SEPTIN9: variants seen among roughly 807,000 people sequenced by gnomAD.
SEPTIN9 encodes the protein septin 9.
Under a neutral mutation model 56.6 loss-of-function variants are expected in SEPTIN9, and 13 were observed. The observed-to-expected ratio is 0.23, with a 90% CI of 0.15 to 0.37. The LOEUF (loss-of-function observed/expected upper bound fraction) is 0.37, where lower values mean the gene tolerates loss of function less well. SEPTIN9 is among the 10% of genes least tolerant of loss of function. The pLI is 1.00. For synonymous variants in SEPTIN9, 332 were observed against 334.1 expected (o/e 0.99, Z 0.07); for missense variants, 650 against 823.1 (o/e 0.79, Z 2.57).
rs376709742 is a variant in SEPTIN9, at chr17:77,374,656, G to A, written c.77-27403G>A. ...CAAGCTGGGAGGTGACCAGCCTGAG[G>A]TCCTCCCCGCTCCATGGCCAGAACC... On this transcript the variant is annotated intron_variant, in intron 2 of 11. Transcript: ENST00000427177. 9.8e-4 allele frequency: 149 copies of A among 152,520 alleles called. 5 individuals carry two copies. The South Asian group carries it at 0.029, about 30-fold the overall frequency. 9.4% of individuals were successfully genotyped at this position (152,520 alleles called of 1,614,324 possible). A position where few individuals can be genotyped will look rare whatever the true frequency, so the allele number is the denominator to read the frequency against.
At position 77,313,984 on chromosome 17, in the gene SEPTIN9, G is replaced by A. The variant is rs2143626492; in HGVS notation, c.76+6787G>A. Among the ~76,000 whole-genome samples the A allele has an allele frequency of 6.6e-6, 1 of 152,192 alleles. No individual in the cohort carries two copies. The highest frequency in any genetic ancestry group is 2.1e-4 in the South Asian group (1 of 4,824). On this transcript the variant is annotated intron_variant, in intron 2 of 11. Coordinates refer to ENST00000427177, the MANE Select transcript of SEPTIN9 (RefSeq NM_001113491.2). The surrounding 1 kb of genome is among the most constrained non-coding windows in gnomAD (Gnocchi z 4.5). ...TGGAGCCGAGGTGGGAGGATCACTT[G>A]AGCTCAGGTGCTCCAGACCAGCCTG... is the stretch of plus-strand genomic sequence containing the variant.
At chr17:77,287,234 G>A (rs1214831679) in intron 1 of SEPTIN9, among the ~76,000 whole-genome samples, 8 of 152,256 alleles carry the variant, frequency 5.3e-5, no homozygotes, top group South Asian at 2.1e-4. Flanking sequence ...CATGGGGATC[G>A]TGTGTCACCC....
intron 2 of SEPTIN9, chr17:77,320,347 A>G (rs1220095402): frequency 6.2e-7 from 1 of 1,612,666 alleles, no homozygotes; most frequent in East Asian, 2.2e-5. Flanking sequence ...ACCGGATCTC[A>G]GGTACGCAGA....
chr17:77,380,511 A>T (rs2035105184), intron 2 of SEPTIN9, among the ~76,000 whole-genome samples: 1 of 152,024 alleles, frequency 6.6e-6, no homozygotes. Flanking sequence ...CCAGAAAATC[A>T]AGGGGCCTGG....
chr17:77,388,810 CTTTTTTTTTT>C (rs5822196), intron 2 of SEPTIN9, among the ~76,000 whole-genome samples: 10 of 78,050 alleles, frequency 1.3e-4, no homozygotes, highest in African/African-American at 5.4e-4. Flanking sequence ...GTGTTAGGCG[CTTTTTTTTTT>C]TTTTTTTTTT....
At chr17:77,360,157 CAAA>C (rs59677016) in intron 2 of SEPTIN9, among the ~76,000 whole-genome samples, 11 of 120,858 alleles carry the variant, frequency 9.1e-5, no homozygotes, top group Non-Finnish European at 1.0e-4. Context: ...AACTCTGTCT[CAAA>C]AAAAAAAAAA....
At chr17:77,484,466 GTGGTGGTGGTGATGATGGTGGTGA>G in intron 4 of SEPTIN9, among the ~76,000 whole-genome samples, 1 of 145,988 alleles carries the variant, frequency 6.8e-6, no homozygotes, top group Non-Finnish European at 1.5e-5. Flanking sequence ...GGTGATTGTG[GTGGTGGTGGTGATGATGGTGGTGA>G]TGATGGTGAT....
chr17:77,355,395 T>C lies in SEPTIN9; in HGVS notation c.77-46664T>C, dbSNP rs372910855. On this transcript the variant is annotated intron_variant, in intron 2 of 11. Transcript: ENST00000427177. Reference sequence around the variant, plus strand: ...ACATGTGTGTGAAGGGCTGTGCGTGTAGGATTTGTGCAAATGTGCCCCTCC... The same window carrying C: ...ACATGTGTGTGAAGGGCTGTGCGTGCAGGATTTGTGCAAATGTGCCCCTCC... 3.3e-3 allele frequency among the ~76,000 whole-genome samples: 500 copies of C among 152,316 alleles called. 1 individual carries two copies. The highest frequency in any genetic ancestry group is 4.0e-3 in the Non-Finnish European group (273 of 68,028).
rs377879 is a variant in SEPTIN9, at chr17:77,382,756, G to A, written c.77-19303G>A. 1.7e-3 allele frequency among the ~76,000 whole-genome samples: 252 copies of A among 152,280 alleles called. 1 individual carries two copies. Among genetic ancestry groups the A allele is most frequent in the African/African-American group, 5.7e-3 (237 of 41,552 alleles). ...TTGGCCGCCTGGGCCCCTTGGGGTC[G>A]GGTGGGGGAGGAGATCCTTCATTCG... On this transcript the variant is annotated intron_variant, in intron 2 of 11. Coordinates refer to ENST00000427177, the MANE Select transcript of SEPTIN9 (RefSeq NM_001113491.2).
intron 2 of SEPTIN9, among the ~76,000 whole-genome samples, chr17:77,355,912 G>A (rs2034218481): frequency 1.4e-5 from 2 of 147,690 alleles, no homozygotes. Context: ...AACCCAGGAG[G>A]CGGAGCTTGC....
intron 2 of SEPTIN9, chr17:77,320,069 C>A: frequency 7.0e-7 from 1 of 1,418,958 alleles, no homozygotes. Context: ...CCTTTGCTCC[C>A]TTTTTCCTCC....
chr17:77,495,066 T>C (rs1352848140), intron 10 of SEPTIN9, among the ~76,000 whole-genome samples: 2 of 152,110 alleles, frequency 1.3e-5, no homozygotes, highest in Admixed American at 6.5e-5. Context: ...GAGTTAGGGA[T>C]GGATGGGCCT....
chr17:77,460,362 C>T (rs312841), intron 3 of SEPTIN9, among the ~76,000 whole-genome samples: 11,920 of 152,128 alleles, frequency 0.078, 1,411 homozygotes, highest in African/African-American at 0.25. Context: ...CACAGCTCAC[C>T]GTGGTGCTCC....
At chr17:77,298,062 G>A (rs1466431129) in intron 1 of SEPTIN9, among the ~76,000 whole-genome samples, 1 of 152,160 alleles carries the variant, frequency 6.6e-6, no homozygotes, top group African/African-American at 2.4e-5. Flanking sequence ...AGGAGCCTGG[G>A]GCCAGATGGA....
In SEPTIN9 at chr17:77,319,717, C is replaced by A. The variant is rs949370602; in HGVS notation, c.76+12520C>A. 2 of 1,067,178 alleles carry A rather than the reference C, an allele frequency of 1.9e-6. No individual in the cohort carries two copies. Among genetic ancestry groups the A allele is most frequent in the Admixed American group, 5.2e-5 (1 of 19,256 alleles). The allele number at this position is 1,067,178 out of a possible 1,614,324, so 66.1% of individuals were successfully genotyped here. ...GCGAGGCAGGCACGCAGGAACTGGG[C>A]TTTTTAAACCCTTAAGCCCAAGGAA... On this transcript the variant is annotated intron_variant, in intron 2 of 11. Transcript: ENST00000427177. The surrounding 1 kb of genome is among the most constrained non-coding windows in gnomAD (Gnocchi z 5.3).
intron 3 of SEPTIN9, among the ~76,000 whole-genome samples, chr17:77,417,734 C>A (rs1432852001): frequency 6.6e-6 from 1 of 152,208 alleles, no homozygotes; most frequent in Admixed American, 6.5e-5. Context: ...CTGTCTATAT[C>A]CGCATTCATG....
chr17:77,382,720 A>G (rs536596426), intron 2 of SEPTIN9, among the ~76,000 whole-genome samples: 1 of 152,288 alleles, frequency 6.6e-6, no homozygotes, highest in South Asian at 2.1e-4. Context: ...TCTAAACTAC[A>G]AAAGAAACCC....
Position 77,492,887 on chromosome 17 carries a change from G to A in SEPTIN9, c.1477-93G>A. 1.5e-6 allele frequency: 2 copies of A among 1,306,812 alleles called. No individual in the cohort carries two copies. The highest frequency in any genetic ancestry group is 1.2e-5 in the South Asian group (1 of 81,670). The allele number at this position is 1,306,812 out of a possible 1,614,324, so 81.0% of individuals were successfully genotyped here. On this transcript the variant is annotated intron_variant, in intron 9 of 11. Transcript: ENST00000427177. This position sits in a 1 kb window ranked among gnomAD's most constrained non-coding sequence, Gnocchi z 5.4. ...CAGGCTGAGGCTCTCGTTTTTGGGG[G>A]ACCCCAGGCTCAGGGCAGCTCCTCC... is the stretch of plus-strand genomic sequence containing the variant.
intron 1 of SEPTIN9, among the ~76,000 whole-genome samples, chr17:77,306,716 G>T (rs2032280087): frequency 1.3e-5 from 2 of 152,202 alleles, no homozygotes; most frequent in Non-Finnish European, 2.9e-5. Flanking sequence ...TCATAAGACG[G>T]GTGGACATGG....
Sources: gnomAD v4.1 joint callset for allele counts (sites outside exome capture counted in the v4.1 genomes callset) on GRCh38, gnomAD v4.1.1 for gene constraint, Gnocchi (gnomAD v3.1) non-coding constraint, MANE v1.5 for transcripts, NCBI Gene and HGNC (gene_info 2026-07-23, HGNC 2026-07-21) for gene names.